DPP6: variants seen among roughly 807,000 people sequenced by gnomAD.
DPP6 encodes dipeptidyl peptidase like 6, also known as A-type potassium channel modulatory protein DPP6.
In DPP6, 69 loss-of-function variants were observed where a neutral mutation model predicts 122.6. The observed-to-expected ratio is 0.56, with a 90% CI of 0.46 to 0.69. The LOEUF is 0.69. Ranked by LOEUF, DPP6 falls within the 30% of genes least tolerant of loss-of-function variation. The pLI, the probability that DPP6 is intolerant of heterozygous loss-of-function variation, is 0.00. For synonymous variants in DPP6, 418 were observed against 433.1 expected, an observed-to-expected ratio of 0.97 and a Z score of 0.43; for missense variants, 928 against 1,116.9, an observed-to-expected ratio of 0.83 and a Z score of 2.41.
intron 1 of DPP6, among the ~76,000 whole-genome samples, chr7:153,989,178 A>C (rs1191811720): frequency 7.5e-6 from 1 of 133,920 alleles, no homozygotes; most frequent in African/African-American, 2.8e-5. Flanking sequence ...TGTGCGGGAG[A>C]GGGTGTGAGT....
intron 1 of DPP6, among the ~76,000 whole-genome samples, chr7:154,009,504 A>G (rs1239256793): frequency 1.3e-5 from 2 of 150,864 alleles, no homozygotes; most frequent in Non-Finnish European, 2.9e-5. Context: ...GCTCCATGGG[A>G]AGGAACCCAG....
chr7:153,875,062 G>A, the DPP6 span, among the ~76,000 whole-genome samples: 17 of 152,210 alleles, frequency 1.1e-4, 1 homozygote, highest in Admixed American at 9.8e-4. Flanking sequence ...ATGTACCTAA[G>A]GATATCATAA....
At chr7:153,766,393 G>T in the DPP6 span, among the ~76,000 whole-genome samples, 1 of 152,054 alleles carries the variant, frequency 6.6e-6, no homozygotes, top group Non-Finnish European at 1.5e-5. Context: ...CAATACCAAC[G>T]TTCTATTTCT....
intron 1 of DPP6, among the ~76,000 whole-genome samples, chr7:154,209,592 C>T (rs1799631248): frequency 6.6e-6 from 1 of 151,616 alleles, no homozygotes; most frequent in Non-Finnish European, 1.5e-5. Context: ...GAAAAAGATC[C>T]AGTGATACCA....
intron 10 of DPP6, among the ~76,000 whole-genome samples, chr7:154,776,199 T>TA (rs1554463870): frequency 1.6e-4 from 24 of 148,560 alleles, no homozygotes; most frequent in Non-Finnish European, 3.1e-4. Context: ...CCATGATAGA[T>TA]GATAGATAGA....
At chr7:153,759,096 G>A in the DPP6 span, among the ~76,000 whole-genome samples, 4 of 151,872 alleles carry the variant, frequency 2.6e-5, no homozygotes, top group African/African-American at 7.2e-5. Context: ...GCATATTGGT[G>A]CAGTTTAAAT....
At chr7:154,738,861 G>T (rs186415903) in intron 8 of DPP6, among the ~76,000 whole-genome samples, 31 of 152,338 alleles carry the variant, frequency 2.0e-4, no homozygotes, top group Admixed American at 1.4e-3. Context: ...GTGGGGACAG[G>T]CTAGGTCCTG....
At chr7:154,032,084 A>T (rs1368292433) in intron 1 of DPP6, among the ~76,000 whole-genome samples, 2 of 145,904 alleles carry the variant, frequency 1.4e-5, no homozygotes, top group African/African-American at 5.1e-5. Context: ...GTTAGCCAGG[A>T]TGGATGGTCT....
chr7:154,093,657 T>C (rs560842058), intron 1 of DPP6: 248 of 106,652 alleles, frequency 2.3e-3, no homozygotes, highest in African/African-American at 6.7e-3. Flanking sequence ...CACACACACA[T>C]AAAAAAAAAC....
intron 6 of DPP6, among the ~76,000 whole-genome samples, chr7:154,659,556 C>A (rs1305044357): frequency 2.0e-5 from 3 of 152,212 alleles, no homozygotes; most frequent in Non-Finnish European, 2.9e-5. Flanking sequence ...TTGCGTCCAA[C>A]CCTACGAGGC....
intron 1 of DPP6, among the ~76,000 whole-genome samples, chr7:154,130,038 G>C (rs961694328): frequency 6.6e-6 from 1 of 151,722 alleles, no homozygotes; most frequent in Non-Finnish European, 1.5e-5. Flanking sequence ...GCAGTGAGCC[G>C]AGATCGCGCC....
chr7:154,668,461 C>T (rs953308970), intron 6 of DPP6, among the ~76,000 whole-genome samples: 3 of 151,476 alleles, frequency 2.0e-5, no homozygotes, highest in Non-Finnish European at 2.9e-5. Flanking sequence ...ACCTCGTGAT[C>T]GACCGCCTCA....
chr7:154,769,074 A>G (rs560721169), intron 8 of DPP6, among the ~76,000 whole-genome samples: 52 of 152,290 alleles, frequency 3.4e-4, no homozygotes, highest in African/African-American at 1.1e-3. Flanking sequence ...ATAATCAACA[A>G]TAGTACAATC....
At chr7:154,411,792 G>A (rs56019591) in intron 1 of DPP6, among the ~76,000 whole-genome samples, 6,937 of 152,158 alleles carry the variant, frequency 0.046, 265 homozygotes, top group East Asian at 0.16. Flanking sequence ...ATCTGCATTC[G>A]AGTAATTTTA....
chr7:153,869,650 A>C, the DPP6 span, among the ~76,000 whole-genome samples: 1 of 152,146 alleles, frequency 6.6e-6, no homozygotes, highest in Admixed American at 6.5e-5. Context: ...GCCCATTTAC[A>C]TTTAAGGTTA....
intron 8 of DPP6, among the ~76,000 whole-genome samples, chr7:154,729,731 C>T (rs1842243886): frequency 6.6e-6 from 1 of 152,166 alleles, no homozygotes; most frequent in Non-Finnish European, 1.5e-5. Context: ...CCTGTGTGGT[C>T]ACCATGGAAG....
At chr7:154,819,618 ATC>A (rs1331751798) in intron 16 of DPP6, among the ~76,000 whole-genome samples, 1 of 152,158 alleles carries the variant, frequency 6.6e-6, no homozygotes, top group Non-Finnish European at 1.5e-5. Flanking sequence ...CCTAAAGAAT[ATC>A]TCTCTTCAAA....
intron 1 of DPP6, among the ~76,000 whole-genome samples, chr7:153,967,865 G>T (rs1026308722): frequency 2.0e-5 from 3 of 151,874 alleles, no homozygotes; most frequent in South Asian, 2.1e-4. Context: ...CTGAGTTAGT[G>T]AGTCCTATCT....
chr7:153,822,214 G>T, the DPP6 span, among the ~76,000 whole-genome samples: 1 of 124,486 alleles, frequency 8.0e-6, no homozygotes, highest in African/African-American at 3.1e-5. Context: ...TTTTGAGATG[G>T]AGTCTCGCAC....
Sources: allele counts gnomAD v4.1 joint callset (sites outside exome capture counted in the v4.1 genomes callset), GRCh38; gene constraint gnomAD v4.1.1; transcripts MANE v1.5; gene names NCBI Gene and HGNC (gene_info 2026-07-23, HGNC 2026-07-21).